The following PKD2L1 variants were observed in gnomAD, a reference collection of about 807,000 sequenced individuals.
The protein encoded by PKD2L1 is polycystin 2 like 1, transient receptor potential cation channel, also known as polycystin-2-like protein 1.
In PKD2L1, 77 loss-of-function variants were observed where a neutral mutation model predicts 93.0. The observed-to-expected ratio is 0.83, with a 90% confidence interval of 0.69 to 1.00. The LOEUF is 1.00. Ranked by LOEUF, PKD2L1 falls within the 50% of genes least tolerant of loss-of-function variation. PKD2L1 has a pLI of 0.00. For synonymous variants in PKD2L1, 390 were observed against 388.0 expected, an observed-to-expected ratio of 1.01 and a Z score of -0.06; for missense variants, 977 against 990.9, an observed-to-expected ratio of 0.99 and a Z score of 0.19.
intron 2 of PKD2L1, among the ~76,000 whole-genome samples, chr10:100,310,524 G>C (rs1447206882): frequency 6.6e-6 from 1 of 151,946 alleles, no homozygotes; most frequent in Non-Finnish European, 1.5e-5. Context: ...TTATTTCTGG[G>C]TAAAGCAACA....
At chr10:100,307,492 C>G (rs571943491) in intron 2 of PKD2L1, among the ~76,000 whole-genome samples, 1 of 152,156 alleles carries the variant, frequency 6.6e-6, no homozygotes, top group Admixed American at 6.5e-5. Context: ...GACCTTGTCT[C>G]TACAAAATAT....
At chr10:100,296,053 A>AAAAAG (rs1467095449) in intron 7 of PKD2L1, 69 bp downstream of exon 7, 14 of 1,440,120 alleles carry the variant, frequency 9.7e-6, no homozygotes, top group Non-Finnish European at 1.3e-5. Flanking sequence ...AAAAAAGAAA[A>AAAAAG]AAAAGAAAAG....
intron 6 of PKD2L1, among the ~76,000 whole-genome samples, chr10:100,296,578 C>T (rs779782586): frequency 1.3e-5 from 2 of 152,088 alleles, no homozygotes; most frequent in Non-Finnish European, 1.5e-5. Flanking sequence ...CTTCCGCTCC[C>T]ACCACTTCCA....
At chr10:100,300,191 A>G (rs1276817966) in intron 2 of PKD2L1, among the ~76,000 whole-genome samples, 1 of 152,092 alleles carries the variant, frequency 6.6e-6, no homozygotes, top group Non-Finnish European at 1.5e-5. Context: ...TACAATAGAG[A>G]TGTGGTCTCA....
intron 2 of PKD2L1, among the ~76,000 whole-genome samples, chr10:100,318,752 C>T (rs1234226866): frequency 1.3e-5 from 2 of 152,000 alleles, no homozygotes; most frequent in African/African-American, 2.4e-5. Flanking sequence ...ATCTACTAAC[C>T]TCGTGATCCA....
chr10:100,291,377 T>C lies in PKD2L1; in HGVS notation c.1931A>G (p.Lys644Arg). ...AATACGATTCCCATCTCTGTCAAAC[T>C]TGGTGAAGGTGGCCGTGAGCTCAGT... ...EITELTATFTKFDRDGNRILD... is the reference protein window; with the variant it reads ...EITELTATFTRFDRDGNRILD... The change falls in exon 12 of 16, where the codon AAG becomes AGG. Residue 644 changes from lysine to arginine, a missense_variant. Coordinates refer to ENST00000318222, the MANE Select transcript of PKD2L1 (RefSeq NM_016112.3). 6.2e-7 allele frequency: 1 copy of C among 1,614,110 alleles called. No individual in the cohort carries two copies. The highest frequency in any genetic ancestry group is 8.5e-7 in the Non-Finnish European group (1 of 1,179,976).
intron 2 of PKD2L1, among the ~76,000 whole-genome samples, chr10:100,300,395 TA>T (rs11415788): frequency 6.7e-6 from 1 of 149,996 alleles, no homozygotes; most frequent in Non-Finnish European, 1.5e-5. Flanking sequence ...CAAGTTAAAT[TA>T]AAAAAAAAAG....
chr10:100,328,272 G>A (rs373220592), intron 2 of PKD2L1, among the ~76,000 whole-genome samples: 26 of 152,064 alleles, frequency 1.7e-4, no homozygotes, highest in Non-Finnish European at 3.1e-4. Context: ...TCCCACAGTC[G>A]CCCTCCTATC....
chr10:100,328,879 C>T (rs1205644239), intron 2 of PKD2L1, among the ~76,000 whole-genome samples: 2 of 152,180 alleles, frequency 1.3e-5, no homozygotes, highest in Non-Finnish European at 2.9e-5. Flanking sequence ...CGTGAGCCAC[C>T]GTGCCAGCCC....
chr10:100,304,763 G>C (rs1209668764), intron 2 of PKD2L1, among the ~76,000 whole-genome samples: 1 of 152,190 alleles, frequency 6.6e-6, no homozygotes, highest in East Asian at 1.9e-4. Context: ...GGAATCATAG[G>C]CGTGAGCCAC....
At position 100,290,076 on chromosome 10, in the gene PKD2L1, G is replaced by A. The variant is rs768744784; in HGVS notation, c.2189C>T (p.Ala730Val). 78 of 1,613,956 alleles carry A rather than the reference G, an allele frequency of 4.8e-5. No homozygotes were observed. The highest frequency in any genetic ancestry group is 6.2e-5 in the Non-Finnish European group (73 of 1,179,952). Residue 730 changes from alanine (A) to valine (V), a missense_variant, in exon 14 of 16, where the codon GCT becomes GTT. Transcript: ENST00000318222. ...VLEGVVSQID[A>V]VGSKLKMLER... ...CAGCATTTTCAGCTTTGAGCCTACA[G>A]CATCAATCTGGGACACTACTCCTTC... is the stretch of plus-strand genomic sequence containing the variant.
intron 2 of PKD2L1, among the ~76,000 whole-genome samples, chr10:100,323,744 A>G (rs1478129408): frequency 6.6e-6 from 1 of 152,230 alleles, no homozygotes; most frequent in African/African-American, 2.4e-5. Flanking sequence ...ATTAACTGCA[A>G]TCATGAAAGT....
At position 100,330,106 on chromosome 10, in the gene PKD2L1, G is replaced by A; in HGVS notation, c.-3C>T. 6.5e-7 allele frequency: 1 copy of A among 1,547,144 alleles called. No homozygotes were observed. Among genetic ancestry groups the A allele is most frequent in the Admixed American group, 1.8e-5 (1 of 54,400 alleles). On this transcript the variant is annotated 5_prime_UTR_variant, in exon 1 of 16. Transcript: ENST00000318222. ...TCAGGACTTCCCACAGCATTCATGG[G>A]GAATGAGGTGGGGGGGCCCGGTACC...
Position 100,299,650 on chromosome 10 carries a change from T to C in PKD2L1, c.418A>G (p.Thr140Ala), listed in dbSNP as rs752957920. The C allele has an allele frequency of 2.5e-6, 4 of 1,612,782 alleles. No individual in the cohort carries two copies. Among genetic ancestry groups the C allele is most frequent in the Admixed American group, 1.7e-5 (1 of 59,990 alleles). Reference protein sequence around the residue: ...TKVMSELFLHTPSDTGVSFQA... With the variant: ...TKVMSELFLHAPSDTGVSFQA... ...AAGGAGACTCCAGTGTCTGATGGAG[T>C]ATGTAAGAAGAGCTCAGACATCACT... is the stretch of plus-strand genomic sequence containing the variant. The change falls in exon 3 of 16, where the codon ACT becomes GCT. Residue 140 changes from threonine (T) to alanine (A), a missense_variant. Physicochemically the swap from Thr to Ala is moderately conservative, Grantham distance 58. Transcript: ENST00000318222.
In PKD2L1 at chr10:100,296,095, A is replaced by G. The variant is rs368770847; in HGVS notation, c.1356+27T>C. 2.5e-6 allele frequency: 4 copies of G among 1,584,482 alleles called. No individual in the cohort carries two copies. The African/African-American group carries it at 5.5e-5, about 22-fold the overall frequency. On this transcript the variant is annotated intron_variant, in intron 7 of 15. Coordinates refer to ENST00000318222, the MANE Select transcript of PKD2L1 (RefSeq NM_016112.3). ...AGGGAGAATGAGTGCGCCTTGAAGC[A>G]AAGCTGGGTGTGGGAATCCCAGGTA... is the stretch of plus-strand genomic sequence containing the variant.
At chr10:100,298,507 G>A (rs1848601642) in intron 4 of PKD2L1, 55 bp downstream of exon 4, 1 of 1,576,608 alleles carries the variant, frequency 6.3e-7, no homozygotes, top group African/African-American at 1.4e-5. Flanking sequence ...ACCTTGGGAT[G>A]GTGTCAGGTT....
At position 100,295,731 on chromosome 10, in the gene PKD2L1, CAAAAAAAA is replaced by C. The variant is rs71013441; in HGVS notation, c.1356+383_1356+390del. The stretch of plus-strand genomic sequence containing the variant: ...CAGACAACAGAGTGAGACTTCGTCT[CAAAAAAAA>C]AAAAAAAAAAAAAAAGTCAGGGGCG... On this transcript the variant is annotated intron_variant, in intron 7 of 15. Coordinates refer to ENST00000318222, the MANE Select transcript of PKD2L1 (RefSeq NM_016112.3). Among the ~76,000 whole-genome samples the C allele has an allele frequency of 3.3e-3, 185 of 56,646 alleles. 2 individuals carry two copies. Among genetic ancestry groups the C allele is most frequent in the African/African-American group, 0.013 (175 of 13,224 alleles). 37.2% of individuals were successfully genotyped at this position (56,646 alleles called of 152,430 possible).
chr10:100,316,181 G>A (rs1288521605), intron 2 of PKD2L1, among the ~76,000 whole-genome samples: 2 of 151,830 alleles, frequency 1.3e-5, no homozygotes, highest in African/African-American at 4.8e-5. Flanking sequence ...TATTTCTTTT[G>A]TTTTTTTTGA....
chr10:100,306,945 C>A (rs1036138066), intron 2 of PKD2L1, among the ~76,000 whole-genome samples: 1 of 151,628 alleles, frequency 6.6e-6, no homozygotes, highest in African/African-American at 2.4e-5. Context: ...GTTTCCCTCC[C>A]CCTACATCCC....
Sources: gnomAD v4.1 joint callset for allele counts (sites outside exome capture counted in the v4.1 genomes callset) on GRCh38, gnomAD v4.1.1 for gene constraint, MANE v1.5 for transcripts, NCBI Gene and HGNC (gene_info 2026-07-23, HGNC 2026-07-21) for gene names.